Variants in CYP4X1 observed in about 807,000 individuals in gnomAD.
The protein encoded by CYP4X1 is cytochrome P450 4X1.
A neutral mutation model predicts 57.9 loss-of-function variants in CYP4X1; 44 were observed. That is an observed-to-expected ratio of 0.76 (90% CI 0.60 to 0.98). The LOEUF is 0.98. CYP4X1 is among the 50% of genes least tolerant of loss of function. The pLI is 0.00. For synonymous variants in CYP4X1, 227 were observed against 228.6 expected, an observed-to-expected ratio of 0.99 and a Z score of 0.06; for missense variants, 532 against 623.9, an observed-to-expected ratio of 0.85 and a Z score of 1.57.
chr1:47,007,872 A>G, the CYP4X1 span, among the ~76,000 whole-genome samples: 58 of 152,310 alleles, frequency 3.8e-4, no homozygotes, highest in African/African-American at 1.3e-3. Flanking sequence ...AAGTTTAGAG[A>G]AAAAAGAATA....
the CYP4X1 span, among the ~76,000 whole-genome samples, chr1:47,010,539 T>C: frequency 6.6e-6 from 1 of 152,122 alleles, no homozygotes; most frequent in Admixed American, 6.5e-5. Flanking sequence ...CTATTCAACA[T>C]AGTGTTGGAA....
chr1:46,981,909 A>G, the CYP4X1 span, among the ~76,000 whole-genome samples: 1 of 152,110 alleles, frequency 6.6e-6, no homozygotes, highest in Non-Finnish European at 1.5e-5. Context: ...ACTTGTTCTC[A>G]CTCATAGGTG....
the CYP4X1 span, among the ~76,000 whole-genome samples, chr1:46,962,202 C>T: frequency 1.0e-3 from 153 of 152,170 alleles, 1 homozygote; most frequent in East Asian, 0.016. Context: ...CTGCAGCCTC[C>T]GCCTCCCGGG....
At chr1:47,022,305 T>C (rs1250556262), upstream of CYP4X1, among the ~76,000 whole-genome samples, 31 of 146,036 alleles carry the variant, frequency 2.1e-4, no homozygotes, top group East Asian at 4.1e-3. Context: ...TTTTTTTTTT[T>C]TTTTGAGACG....
At position 47,039,449 on chromosome 1, in the gene CYP4X1, C is replaced by T. The variant is rs1443494707; in HGVS notation, c.990C>T (p.Tyr330=). 2 of 1,613,688 alleles carry T rather than the reference C, an allele frequency of 1.2e-6. No homozygotes were observed. The highest frequency in any genetic ancestry group is 1.1e-5 in the South Asian group (1 of 91,026). Residue 330 remains tyrosine (Y), a synonymous_variant, in exon 8 of 12, where the codon TAC becomes TAT. Coordinates refer to ENST00000371901, the MANE Select transcript of CYP4X1 (RefSeq NM_178033.2). ...TLAASISWIL[Y]CLALNPEHQE... ...CAGCAAGCATCTCCTGGATCCTTTACTGCCTGGCTCTGAACCCTGAGCATC... is the reference window on the plus strand; with the variant it reads ...CAGCAAGCATCTCCTGGATCCTTTATTGCCTGGCTCTGAACCCTGAGCATC...
At chr1:47,023,035 A>C (rs954009232), upstream of CYP4X1, among the ~76,000 whole-genome samples, 2 of 152,234 alleles carry the variant, frequency 1.3e-5, no homozygotes, top group African/African-American at 4.8e-5. Flanking sequence ...CTTCATGGGC[A>C]TGAGACCCAA....
chr1:46,964,118 C>A, the CYP4X1 span, among the ~76,000 whole-genome samples: 1 of 152,204 alleles, frequency 6.6e-6, no homozygotes, highest in Admixed American at 6.5e-5. Context: ...GACTTCTCTA[C>A]ATTGGTTATT....
upstream of CYP4X1, among the ~76,000 whole-genome samples, chr1:47,022,281 GT>G (rs1644005834): frequency 7.8e-6 from 1 of 128,436 alleles, no homozygotes; most frequent in African/African-American, 3.0e-5. Flanking sequence ...CCTGGGGCCT[GT>G]CTTTTTTTTT....
upstream of CYP4X1, chr1:47,023,650 G>A: frequency 7.1e-7 from 1 of 1,409,706 alleles, no homozygotes; most frequent in South Asian, 1.6e-5. Flanking sequence ...CCTCTCCCCA[G>A]GCCTGAGCTG....
At chr1:47,010,827 A>T in the CYP4X1 span, among the ~76,000 whole-genome samples, 1 of 152,348 alleles carries the variant, frequency 6.6e-6, no homozygotes, top group East Asian at 1.9e-4. Context: ...AGAGAATGAA[A>T]TACCTAGGAA....
chr1:46,961,472 G>A, the CYP4X1 span: 1,803 of 1,033,818 alleles, frequency 1.7e-3, 32 homozygotes, highest in East Asian at 0.036. Context: ...GGTTTGAACC[G>A]TTCACTGGCT....
At chr1:47,012,374 C>T in the CYP4X1 span, among the ~76,000 whole-genome samples, 1 of 152,182 alleles carries the variant, frequency 6.6e-6, no homozygotes, top group Middle Eastern at 3.4e-3. Context: ...CACTTGGACA[C>T]AGGGTGGGGA....
the CYP4X1 span, among the ~76,000 whole-genome samples, chr1:47,015,672 G>C: frequency 3.9e-5 from 6 of 152,154 alleles, no homozygotes; most frequent in Admixed American, 2.0e-4. Flanking sequence ...AGGATCACTT[G>C]AGCCCAAGAG....
chr1:46,998,425 G>A, the CYP4X1 span, among the ~76,000 whole-genome samples: 1 of 152,058 alleles, frequency 6.6e-6, no homozygotes, highest in Admixed American at 6.6e-5. Context: ...TGTAAATAGA[G>A]TTATTAGTTT....
chr1:46,976,886 C>T, the CYP4X1 span, among the ~76,000 whole-genome samples: 2 of 152,170 alleles, frequency 1.3e-5, no homozygotes, highest in African/African-American at 4.8e-5. Flanking sequence ...AGGGACCTGA[C>T]TGTTAGAAGG....
In CYP4X1 at chr1:47,024,080, T is replaced by C. The variant is rs961372960; in HGVS notation, c.177+86T>C. 1.5e-5 allele frequency: 22 copies of C among 1,478,526 alleles called. No individual in the cohort carries two copies. The African/African-American group carries it at 2.7e-4, about 18-fold the overall frequency. 91.6% of individuals were successfully genotyped at this position (1,478,526 alleles called of 1,614,324 possible). On this transcript the variant is annotated intron_variant, in intron 1 of 11. Coordinates refer to ENST00000371901, the MANE Select transcript of CYP4X1 (RefSeq NM_178033.2). Reference sequence around the variant, plus strand: ...AGCCCAGCCGGCAGAGAGACGCAGCTTTCTTCCATCCCTGGGGACCCTCCG... The same window carrying C: ...AGCCCAGCCGGCAGAGAGACGCAGCCTTCTTCCATCCCTGGGGACCCTCCG...
chr1:46,966,241 G>A, the CYP4X1 span, among the ~76,000 whole-genome samples: 2 of 152,154 alleles, frequency 1.3e-5, no homozygotes, highest in Non-Finnish European at 2.9e-5. Flanking sequence ...TGCTTGGCTC[G>A]CCGGATTCAG....
At position 47,048,601 on chromosome 1, in the gene CYP4X1, A is replaced by G; in HGVS notation, c.1244A>G (p.His415Arg). ...TVVLSIWGLH[H>R]NPAVWKNPKV... Reference sequence around the variant, plus strand: ...GTTCTTAGTATTTGGGGTCTTCACCACAACCCTGCTGTCTGGAAAAACCCA... The same window carrying G: ...GTTCTTAGTATTTGGGGTCTTCACCGCAACCCTGCTGTCTGGAAAAACCCA... Residue 415 changes from histidine to arginine, a missense_variant, in exon 10 of 12, where the codon CAC (histidine) becomes CGC (arginine). Coordinates refer to ENST00000371901, the MANE Select transcript of CYP4X1 (RefSeq NM_178033.2). The G allele has an allele frequency of 6.2e-7, 1 of 1,614,022 alleles. No homozygotes were observed.
the CYP4X1 span, among the ~76,000 whole-genome samples, chr1:46,980,974 AT>A: frequency 6.6e-6 from 1 of 152,194 alleles, no homozygotes; most frequent in East Asian, 1.9e-4. Context: ...CTTATACAAA[AT>A]TTAATTCAAG....
Sources: gnomAD v4.1 joint callset for allele counts (sites outside exome capture counted in the v4.1 genomes callset) on GRCh38, gnomAD v4.1.1 for gene constraint, MANE v1.5 for transcripts, NCBI Gene and HGNC (gene_info 2026-07-23, HGNC 2026-07-21) for gene names.